USP42: variants seen among roughly 807,000 people sequenced by gnomAD.
The protein encoded by USP42 is ubiquitin carboxyl-terminal hydrolase 42.
Under a neutral mutation model 113.0 loss-of-function variants are expected in USP42, and 23 were observed. That is an observed-to-expected ratio of 0.20 (90% CI 0.15 to 0.29). USP42 has a LOEUF of 0.29. USP42 is among the 10% of genes least tolerant of loss of function. The pLI is 1.00. For synonymous variants in USP42, 933 were observed against 699.0 expected (o/e 1.33, Z -5.28); for missense variants, 2,174 against 1,779.8 (o/e 1.22, Z -3.99).
chr7:6,101,875 TCGAGTCCAGCC>T (rs1166214198), upstream of USP42, among the ~76,000 whole-genome samples: 6 of 149,312 alleles, frequency 4.0e-5, no homozygotes, highest in African/African-American at 1.5e-4. Flanking sequence ...GGCCAGGAGT[TCGAGTCCAGCC>T]TGACCAACAT....
the USP42 span, among the ~76,000 whole-genome samples, chr7:6,083,487 C>G: frequency 6.7e-6 from 1 of 149,996 alleles, no homozygotes; most frequent in Non-Finnish European, 1.5e-5. Context: ...AACTCCTGAC[C>G]TCAAGTAATC....
Position 6,154,577 on chromosome 7 carries a change from C to T in USP42, c.3023C>T (p.Pro1008Leu), listed in dbSNP as rs764934568. The change falls in exon 15 of 18, where the codon CCT (proline) becomes CTT (leucine). Residue 1008 changes from proline (P) to leucine (L), a missense_variant. By Grantham distance (98) the Pro-to-Leu change is moderately conservative. Transcript: ENST00000306177. ...CCCGGCCACGGCGACAGGCTCAGCC[C>T]TGGCGAGCGCCGCTCTCTGGGCAGG... is the stretch of plus-strand genomic sequence containing the variant. ...HHPGHGDRLS[P>L]GERRSLGRCS... 4.5e-6 allele frequency: 7 copies of T among 1,561,918 alleles called. No homozygotes were observed. Among genetic ancestry groups the T allele is most frequent in the East Asian group, 2.4e-5 (1 of 41,626 alleles).
the USP42 span, among the ~76,000 whole-genome samples, chr7:6,098,911 G>T: frequency 6.7e-6 from 1 of 150,072 alleles, no homozygotes; most frequent in Non-Finnish European, 1.5e-5. Context: ...CGGGTTGGTG[G>T]TACCATTCTT....
intron 9 of USP42, among the ~76,000 whole-genome samples, chr7:6,145,130 A>C (rs1463047467): frequency 1.3e-5 from 2 of 151,988 alleles, no homozygotes; most frequent in Non-Finnish European, 2.9e-5. Flanking sequence ...TCAGGCGTTC[A>C]AGACCAGCCT....
At chr7:6,152,961 A>G in intron 14 of USP42, 1 of 985,352 alleles carries the variant, frequency 1.0e-6, no homozygotes, top group Non-Finnish European at 1.2e-6. Context: ...CTTTAGTCTT[A>G]GTTATTAGGA....
At chr7:6,121,339 C>T (rs1439857988) in intron 3 of USP42, among the ~76,000 whole-genome samples, 2 of 152,306 alleles carry the variant, frequency 1.3e-5, no homozygotes, top group South Asian at 4.1e-4. Context: ...ACCAACCTTG[C>T]ATTCCTGAGA....
At chr7:6,149,273 G>A (rs1364075816) in intron 12 of USP42, among the ~76,000 whole-genome samples, 1 of 152,172 alleles carries the variant, frequency 6.6e-6, no homozygotes, top group Admixed American at 6.5e-5. Context: ...GGTAGCAAGT[G>A]TGTGACTCCA....
intron 3 of USP42, among the ~76,000 whole-genome samples, chr7:6,126,193 A>G (rs1780532823): frequency 6.6e-6 from 1 of 152,132 alleles, no homozygotes; most frequent in African/African-American, 2.4e-5. Context: ...TTTTTCACCT[A>G]GCATAATTCT....
the USP42 span, among the ~76,000 whole-genome samples, chr7:6,090,350 A>C: frequency 7.0e-6 from 1 of 142,330 alleles, no homozygotes; most frequent in African/African-American, 2.7e-5. Flanking sequence ...ATATATATTT[A>C]TATATATATT....
At chr7:6,146,788 A>G (rs1228413966) in intron 11 of USP42, among the ~76,000 whole-genome samples, 3 of 152,214 alleles carry the variant, frequency 2.0e-5, no homozygotes, top group African/African-American at 7.2e-5. Flanking sequence ...GTGCAGCTGC[A>G]GGGAGAGGTG....
chr7:6,155,698 C>T (rs1254494778), intron 15 of USP42, among the ~76,000 whole-genome samples: 4 of 152,200 alleles, frequency 2.6e-5, no homozygotes, highest in African/African-American at 4.8e-5. Context: ...ACCTTCGTTT[C>T]CTCGGCCTTT....
intron 9 of USP42, among the ~76,000 whole-genome samples, chr7:6,144,643 G>A (rs1215291834): frequency 4.6e-5 from 7 of 152,152 alleles, no homozygotes; most frequent in Admixed American, 3.3e-4. Flanking sequence ...GCCTAGTTGG[G>A]CATATCACTT....
intron 3 of USP42, chr7:6,116,550 TA>T (rs900796307): frequency 0.027 from 6,987 of 254,590 alleles, 1 homozygote; most frequent in South Asian, 0.053. Flanking sequence ...TACTAGGATT[TA>T]AAAAAAAAAA....
chr7:6,081,604 G>C, the USP42 span: 2 of 152,308 alleles, frequency 1.3e-5, no homozygotes, highest in Non-Finnish European at 2.9e-5. Flanking sequence ...CTTTCCGACT[G>C]GGCAGGCGGG....
At chr7:6,096,902 A>G in the USP42 span, among the ~76,000 whole-genome samples, 3 of 147,148 alleles carry the variant, frequency 2.0e-5, no homozygotes, top group Non-Finnish European at 4.4e-5. Context: ...ACACTCCAGG[A>G]TGCCATCATT....
At chr7:6,128,674 A>C (rs1308287551) in intron 3 of USP42, among the ~76,000 whole-genome samples, 1 of 135,454 alleles carries the variant, frequency 7.4e-6, no homozygotes, top group African/African-American at 2.8e-5. Flanking sequence ...ATATTTTAAG[A>C]CTTAAGGCTT....
chr7:6,112,796 G>C (rs1779669491), intron 2 of USP42, among the ~76,000 whole-genome samples: 1 of 151,642 alleles, frequency 6.6e-6, no homozygotes, highest in African/African-American at 2.4e-5. Flanking sequence ...TGTGGCCCAA[G>C]ACAATTTGTC....
chr7:6,148,365 C>T (rs1188733499), intron 12 of USP42, among the ~76,000 whole-genome samples: 1 of 152,092 alleles, frequency 6.6e-6, no homozygotes, highest in Non-Finnish European at 1.5e-5. Flanking sequence ...AAACAAAAAC[C>T]CCAAAATATA....
intron 3 of USP42, among the ~76,000 whole-genome samples, chr7:6,132,788 C>T (rs1206325627): frequency 6.6e-6 from 1 of 152,212 alleles, no homozygotes; most frequent in Non-Finnish European, 1.5e-5. Context: ...TCTCCTGCCT[C>T]AGCCTCCTGA....
Sources: allele counts gnomAD v4.1 joint callset (sites outside exome capture counted in the v4.1 genomes callset), GRCh38; gene constraint gnomAD v4.1.1; transcripts MANE v1.5; gene names NCBI Gene and HGNC (gene_info 2026-07-23, HGNC 2026-07-21).